ABI2: variants seen among roughly 807,000 people sequenced by gnomAD.
ABI2 encodes abelson interactor 2.
ABI2 carries 25 observed loss-of-function variants against 59.2 expected under a neutral mutation model. That is an observed-to-expected ratio of 0.42 (90% CI 0.31 to 0.59). ABI2 has a LOEUF of 0.59. ABI2 is among the 20% of genes least tolerant of loss of function. The pLI, the probability that ABI2 is intolerant of heterozygous loss-of-function variation, is 0.14. For missense variants in ABI2, 545 were observed against 681.8 expected, an observed-to-expected ratio of 0.80 and a Z score of 2.23; for synonymous variants, 213 against 235.5, an observed-to-expected ratio of 0.90 and a Z score of 0.87.
intron 10 of ABI2, among the ~76,000 whole-genome samples, chr2:203,413,939 TC>T (rs917082292): frequency 2.4e-4 from 37 of 152,238 alleles, no homozygotes; most frequent in African/African-American, 8.2e-4. Context: ...ACCCTGTTAT[TC>T]CCCTTAAAAT....
At chr2:203,421,955 ACT>A (rs1396725718) in intron 11 of ABI2, among the ~76,000 whole-genome samples, 4 of 124,602 alleles carry the variant, frequency 3.2e-5, no homozygotes, top group South Asian at 2.8e-4. Context: ...ACAGAGTGAG[ACT>A]CTGTCTCAAA....
At chr2:203,358,905 C>T (rs541611930) in intron 1 of ABI2, among the ~76,000 whole-genome samples, 20 of 152,154 alleles carry the variant, frequency 1.3e-4, no homozygotes, top group African/African-American at 3.1e-4. Context: ...TTAGCTGCTC[C>T]GGAGACTGAG....
chr2:203,335,237 A>G (rs2075916213), intron 1 of ABI2, among the ~76,000 whole-genome samples: 1 of 152,070 alleles, frequency 6.6e-6, no homozygotes, highest in South Asian at 2.1e-4. Flanking sequence ...CTATGCACTG[A>G]ATTATTTTTA....
intron 4 of ABI2, among the ~76,000 whole-genome samples, chr2:203,387,633 T>C (rs2096582128): frequency 6.6e-6 from 1 of 152,232 alleles, no homozygotes; most frequent in East Asian, 1.9e-4. Context: ...TTGAGGTCTT[T>C]TCATTTTATG....
intron 11 of ABI2, among the ~76,000 whole-genome samples, chr2:203,426,785 TAAAAAAAAA>T (rs59683844): frequency 3.0e-5 from 4 of 131,840 alleles, no homozygotes; most frequent in African/African-American, 1.1e-4. Context: ...AGAAAAGCTT[TAAAAAAAAA>T]AAAAAAAAAA....
intron 10 of ABI2, among the ~76,000 whole-genome samples, chr2:203,412,457 T>G (rs2097718009): frequency 6.6e-6 from 1 of 152,234 alleles, no homozygotes. Context: ...TCAGTGTCTT[T>G]CAGCTGCCTT....
chr2:203,376,166 G>A, intron 2 of ABI2: 4 of 1,472,222 alleles, frequency 2.7e-6, no homozygotes, highest in Non-Finnish European at 3.6e-6. Flanking sequence ...TTCCTCTATA[G>A]ATCTTTGGTT....
intron 1 of ABI2, among the ~76,000 whole-genome samples, chr2:203,344,586 G>A (rs965614550): frequency 6.6e-6 from 1 of 150,832 alleles, no homozygotes; most frequent in Non-Finnish European, 1.5e-5. Flanking sequence ...TTTTGAGTCG[G>A]AGGTTTGCTC....
intron 5 of ABI2, among the ~76,000 whole-genome samples, chr2:203,393,341 C>T (rs951882281): frequency 6.6e-6 from 1 of 152,240 alleles, no homozygotes; most frequent in African/African-American, 2.4e-5. Flanking sequence ...AGGCATGAGC[C>T]ACTGCACCCG....
chr2:203,368,921 A>T (rs2094793959), intron 2 of ABI2, among the ~76,000 whole-genome samples: 1 of 148,418 alleles, frequency 6.7e-6, no homozygotes, highest in South Asian at 2.2e-4. Context: ...GGCTCAAGGG[A>T]TCCTCCTGCC....
chr2:203,408,070 C>CATGCCTTA (rs554041881), intron 9 of ABI2, among the ~76,000 whole-genome samples: 2 of 152,060 alleles, frequency 1.3e-5, no homozygotes, highest in Non-Finnish European at 2.9e-5. Context: ...AATTTTTGAA[C>CATGCCTTA]ATGCCTTAGA....
chr2:203,371,972 G>A (rs990604816), intron 2 of ABI2, among the ~76,000 whole-genome samples: 1 of 149,976 alleles, frequency 6.7e-6, no homozygotes, highest in African/African-American at 2.5e-5. Context: ...GGTGTTTCTC[G>A]CAGAGGGGGA....
In ABI2 at chr2:203,416,986, A is replaced by C; in HGVS notation, c.1358A>C (p.Glu453Ala). 6.2e-7 allele frequency: 1 copy of C among 1,614,104 alleles called. No individual in the cohort carries two copies. The highest frequency in any genetic ancestry group is 8.5e-7 in the Non-Finnish European group (1 of 1,179,986). The change falls in exon 11 of 12, where the codon GAA (glutamate) becomes GCA (alanine). Residue 453 changes from glutamate (E) to alanine (A), a missense_variant. Physicochemically the swap from Glu to Ala is moderately radical, Grantham distance 107. This residue lies in a region of ABI2 where 410 missense variants were observed against 435.6 expected (regional missense o/e 0.94). Coordinates refer to ENST00000261018, the MANE Select transcript of ABI2 (RefSeq NM_001375670.1). ...DESPPPPPPPEDYEEEEAAVV... is the reference protein window; with the variant it reads ...DESPPPPPPPADYEEEEAAVV... ...TCTCCCCCACCTCCTCCTCCTCCAGAAGATTACGAAGAGGAGGAAGCTGCT... is the reference window on the plus strand; with the variant it reads ...TCTCCCCCACCTCCTCCTCCTCCAGCAGATTACGAAGAGGAGGAAGCTGCT...
intron 9 of ABI2, among the ~76,000 whole-genome samples, chr2:203,405,340 G>C (rs1292045273): frequency 6.6e-6 from 1 of 152,092 alleles, no homozygotes; most frequent in African/African-American, 2.4e-5. Context: ...AATGATTTGT[G>C]AATCAGTGTT....
chr2:203,381,182 G>T (rs565365573), intron 3 of ABI2, among the ~76,000 whole-genome samples: 41 of 152,200 alleles, frequency 2.7e-4, no homozygotes, highest in African/African-American at 9.1e-4. Context: ...ATTTAATGGA[G>T]ATCTAGGTAA....
intron 11 of ABI2, among the ~76,000 whole-genome samples, chr2:203,419,164 C>T (rs1263959203): frequency 1.4e-5 from 2 of 144,144 alleles, no homozygotes; most frequent in Non-Finnish European, 3.0e-5. Flanking sequence ...GGCTGGAGTG[C>T]AATGGCGTGA....
chr2:203,423,137 T>C (rs1029427454), intron 11 of ABI2, among the ~76,000 whole-genome samples: 3 of 152,242 alleles, frequency 2.0e-5, no homozygotes, highest in Non-Finnish European at 4.4e-5. Context: ...GTCACTTCTA[T>C]GTAACATGCT....
chr2:203,329,341 ATTTTTTTTTTTT>A (rs11376266), intron 1 of ABI2: 2 of 100,700 alleles, frequency 2.0e-5, no homozygotes, highest in East Asian at 3.0e-4. Flanking sequence ...TCCTGGTTTA[ATTTTTTTTTTTT>A]TTTTTTTTTT....
At chr2:203,398,703 G>C (rs1050205330) in intron 8 of ABI2, among the ~76,000 whole-genome samples, 4 of 152,070 alleles carry the variant, frequency 2.6e-5, no homozygotes, top group Admixed American at 2.6e-4. Context: ...CCCCTTTATA[G>C]TCAGTCCTTC....
Sources: gnomAD v4.1 joint callset for allele counts (sites outside exome capture counted in the v4.1 genomes callset) on GRCh38, gnomAD v4.1.1 for gene constraint, gnomAD v4.1.1 regional missense constraint, MANE v1.5 for transcripts, NCBI Gene and HGNC (gene_info 2026-07-23, HGNC 2026-07-21) for gene names.